MDFIC2: variants seen among roughly 807,000 people sequenced by gnomAD.
MDFIC2 encodes MyoD family inhibitor domain containing 2, also known as myoD family inhibitor domain-containing protein 2.
At chr3:70,220,893 G>A (rs1289036451) in intron 2 of MDFIC2, among the ~76,000 whole-genome samples, 1 of 152,146 alleles carries the variant, frequency 6.6e-6, no homozygotes, top group Non-Finnish European at 1.5e-5. Flanking sequence ...GGGGAACCAT[G>A]CCTTGGCATT....
chr3:70,267,477 A>G (rs1332543254), intron 2 of MDFIC2, among the ~76,000 whole-genome samples: 14 of 129,792 alleles, frequency 1.1e-4, no homozygotes, highest in Admixed American at 1.0e-3. Flanking sequence ...ATCTCCGCTC[A>G]CTGCAAGCTC....
At chr3:70,285,284 A>G (rs1260057107) in intron 2 of MDFIC2, among the ~76,000 whole-genome samples, 1 of 135,022 alleles carries the variant, frequency 7.4e-6, no homozygotes, top group East Asian at 2.2e-4. Flanking sequence ...TTCAATTCCC[A>G]CCTATGAGTG....
intron 3 of MDFIC2, chr3:70,205,274 A>T (rs1701279320): frequency 6.6e-6 from 1 of 152,030 alleles, no homozygotes; most frequent in African/African-American, 2.4e-5. Flanking sequence ...CGAGGTAGTG[A>T]CATTTAGATG....
At chr3:70,212,554 A>T (rs1242939618) in intron 2 of MDFIC2, among the ~76,000 whole-genome samples, 1 of 151,890 alleles carries the variant, frequency 6.6e-6, no homozygotes, top group Non-Finnish European at 1.5e-5. Context: ...TTTCATTTCC[A>T]TTACTGCCAC....
intron 2 of MDFIC2, among the ~76,000 whole-genome samples, chr3:70,270,503 C>A (rs1014878400): frequency 6.6e-6 from 1 of 152,080 alleles, no homozygotes; most frequent in African/African-American, 2.4e-5. Context: ...TACTGGGGTA[C>A]TTTAATTACT....
chr3:70,287,910 T>G (rs971516949), intron 2 of MDFIC2, among the ~76,000 whole-genome samples: 3 of 152,224 alleles, frequency 2.0e-5, no homozygotes, highest in African/African-American at 7.2e-5. Flanking sequence ...TGACATCCCC[T>G]TTATCATTTT....
chr3:70,243,279 C>T (rs2106643297), intron 2 of MDFIC2, among the ~76,000 whole-genome samples: 1 of 152,046 alleles, frequency 6.6e-6, no homozygotes, highest in Middle Eastern at 3.4e-3. Context: ...GTCTTGGAGG[C>T]CTTTGAAATG....
At chr3:70,307,089 T>C (rs1173506601) in intron 2 of MDFIC2, among the ~76,000 whole-genome samples, 1 of 152,132 alleles carries the variant, frequency 6.6e-6, no homozygotes, top group African/African-American at 2.4e-5. Flanking sequence ...TAGGTTTCAT[T>C]TAGAGATACA....
chr3:70,203,782 T>C (rs527499549), intron 3 of MDFIC2, among the ~76,000 whole-genome samples: 2 of 152,252 alleles, frequency 1.3e-5, no homozygotes, highest in African/African-American at 4.8e-5. Context: ...TATACATCAA[T>C]TAGGTATAGT....
intron 2 of MDFIC2, among the ~76,000 whole-genome samples, chr3:70,240,792 G>A (rs930055319): frequency 1.3e-5 from 2 of 152,026 alleles, no homozygotes; most frequent in African/African-American, 4.8e-5. Context: ...TTCATACACC[G>A]GGGCACATCA....
intron 2 of MDFIC2, among the ~76,000 whole-genome samples, chr3:70,279,105 T>G (rs973155099): frequency 1.3e-5 from 2 of 150,256 alleles, no homozygotes; most frequent in Non-Finnish European, 3.0e-5. Context: ...AATGACATAC[T>G]AGATAGATTA....
In MDFIC2 at chr3:70,296,237, T is replaced by C. The variant is rs183259999; in HGVS notation, c.88+15649A>G. Among the ~76,000 whole-genome samples, 976 of 152,208 alleles carry C rather than the reference T, an allele frequency of 6.4e-3. 5 individuals are homozygous for C. Among genetic ancestry groups the C allele is most frequent in the Non-Finnish European group, 0.01 (692 of 67,992 alleles). On this transcript the variant is annotated intron_variant, in intron 2 of 3. Coordinates refer to ENST00000567252, the MANE Select transcript of MDFIC2 (RefSeq NM_001364677.1). ...CTTTTTCCATGAGCCCCCAAATAAG[T>C]TGTAGTTTGAAACATGAGATGCAGT...
Position 70,267,576 on chromosome 3 carries a change from G to GT in MDFIC2, c.88+44309dup, listed in dbSNP as rs1179669063. Among the ~76,000 whole-genome samples the GT allele has an allele frequency of 5.4e-3, 532 of 98,616 alleles. 7 individuals are homozygous for GT. The highest frequency in any genetic ancestry group is 0.023 in the African/African-American group (517 of 22,944). 64.7% of individuals were successfully genotyped at this position (98,616 alleles called of 152,430 possible). A position where few individuals can be genotyped will look rare whatever the true frequency, so the allele number is the denominator to read the frequency against. On this transcript the variant is annotated intron_variant, in intron 2 of 3. Coordinates refer to ENST00000567252, the MANE Select transcript of MDFIC2 (RefSeq NM_001364677.1). ...CGCCACCATGCCCGGCTAATTTTTT[G>GT]TATTTTTTTTTTTTTTTTTTTAGTA... is the stretch of plus-strand genomic sequence containing the variant.
At chr3:70,242,285 C>T (rs1429943155) in intron 2 of MDFIC2, among the ~76,000 whole-genome samples, 1 of 152,156 alleles carries the variant, frequency 6.6e-6, no homozygotes. Flanking sequence ...GATAACATCT[C>T]TTTGGAAATG....
intron 2 of MDFIC2, among the ~76,000 whole-genome samples, chr3:70,302,109 G>A (rs1030291517): frequency 2.0e-5 from 3 of 151,962 alleles, no homozygotes; most frequent in Admixed American, 1.3e-4. Context: ...GAAGTTATAC[G>A]CTGGCAAAAC....
intron 2 of MDFIC2, among the ~76,000 whole-genome samples, chr3:70,267,578 ATTTTTTT>A (rs377637066): frequency 7.5e-6 from 1 of 132,774 alleles, no homozygotes; most frequent in East Asian, 2.3e-4. Flanking sequence ...AATTTTTTGT[ATTTTTTT>A]TTTTTTTTTT....
intron 2 of MDFIC2, among the ~76,000 whole-genome samples, chr3:70,226,071 A>C (rs768890499): frequency 2.6e-5 from 4 of 152,226 alleles, no homozygotes; most frequent in Non-Finnish European, 4.4e-5. Context: ...CACTTAAAAA[A>C]AATAAAAGAC....
intron 2 of MDFIC2, among the ~76,000 whole-genome samples, chr3:70,254,415 C>T (rs1407650866): frequency 1.3e-5 from 2 of 152,090 alleles, no homozygotes; most frequent in Non-Finnish European, 2.9e-5. Flanking sequence ...CAGATGTGAG[C>T]ATGAACTGAA....
At chr3:70,252,866 G>A (rs988878532) in intron 2 of MDFIC2, among the ~76,000 whole-genome samples, 1 of 151,810 alleles carries the variant, frequency 6.6e-6, no homozygotes, top group Non-Finnish European at 1.5e-5. Flanking sequence ...GATCACCTGA[G>A]GTCAGGAGTT....
Sources: allele counts gnomAD v4.1 joint callset (sites outside exome capture counted in the v4.1 genomes callset), GRCh38; gene constraint gnomAD v4.1.1; transcripts MANE v1.5; gene names NCBI Gene and HGNC (gene_info 2026-07-23, HGNC 2026-07-21).